The following ACSM3 variants were observed in gnomAD, a reference collection of about 807,000 sequenced individuals.
The protein encoded by ACSM3 is acyl-CoA synthetase medium chain family member 3.
A neutral mutation model predicts 74.1 loss-of-function variants in ACSM3; 61 were observed. The ratio of observed to expected loss-of-function variants is 0.82; its 90% confidence interval spans 0.67 to 1.02. ACSM3 has a LOEUF of 1.02. Ranked by LOEUF, ACSM3 falls within the 50% of genes least tolerant of loss-of-function variation. The pLI, the probability that ACSM3 is intolerant of heterozygous loss-of-function variation, is 0.00. For missense variants in ACSM3, 660 were observed against 697.0 expected (o/e 0.95, Z 0.60); for synonymous variants, 213 against 241.5 (o/e 0.88, Z 1.09).
chr16:20,752,068 G>A (rs1363571781), intron 2 of ACSM3, among the ~76,000 whole-genome samples: 1 of 152,070 alleles, frequency 6.6e-6, no homozygotes, highest in Admixed American at 6.6e-5. Flanking sequence ...TTGGCATACA[G>A]AAAACATTCA....
intron 1 of ACSM3, among the ~76,000 whole-genome samples, chr16:20,747,188 G>C (rs1411134774): frequency 1.3e-5 from 2 of 152,252 alleles, no homozygotes; most frequent in Admixed American, 1.3e-4. Context: ...CTCAAGGGAT[G>C]GGTTCCAGAG....
intron 1 of ACSM3, chr16:20,711,328 T>A: frequency 2.7e-6 from 1 of 367,122 alleles, no homozygotes; most frequent in Non-Finnish European, 5.2e-6. Flanking sequence ...ATCAGAGTCT[T>A]GTACAATATC....
At chr16:20,758,658 T>C (rs895574895) in intron 3 of ACSM3, among the ~76,000 whole-genome samples, 2 of 152,134 alleles carry the variant, frequency 1.3e-5, no homozygotes, top group Non-Finnish European at 2.9e-5. Flanking sequence ...TAGTTATTTC[T>C]TGCCTTCTGC....
chr16:20,713,856 C>A (rs2079752105), intron 1 of ACSM3, among the ~76,000 whole-genome samples: 1 of 152,192 alleles, frequency 6.6e-6, no homozygotes, highest in Admixed American at 6.5e-5. Context: ...GATTGTTTCT[C>A]TAAAAACTAG....
chr16:20,795,558 G>A (rs2080704665), intron 12 of ACSM3, among the ~76,000 whole-genome samples: 1 of 152,200 alleles, frequency 6.6e-6, no homozygotes, highest in Non-Finnish European at 1.5e-5. Context: ...ACGAATCCTT[G>A]AATTTAATAA....
At chr16:20,721,995 C>T (rs986953039) in intron 1 of ACSM3, 3 of 152,094 alleles carry the variant, frequency 2.0e-5, no homozygotes, top group African/African-American at 7.2e-5. Context: ...TATAATAGAT[C>T]AGGTAACAAA....
chr16:20,745,052 G>A (rs777055125), intron 1 of ACSM3, among the ~76,000 whole-genome samples: 9 of 152,156 alleles, frequency 5.9e-5, no homozygotes, highest in African/African-American at 9.7e-5. Flanking sequence ...GGCAGCTGCC[G>A]GGGCTGCGTC....
At chr16:20,677,842 T>C (rs964845565) in intron 1 of ACSM3, among the ~76,000 whole-genome samples, 1 of 152,010 alleles carries the variant, frequency 6.6e-6, no homozygotes, top group Non-Finnish European at 1.5e-5. Context: ...TCTGACACTT[T>C]CCATGTTCAT....
At chr16:20,701,389 T>C (rs1430365963) in intron 1 of ACSM3, among the ~76,000 whole-genome samples, 1 of 152,260 alleles carries the variant, frequency 6.6e-6, no homozygotes, top group Non-Finnish European at 1.5e-5. Context: ...TGGACTTGTA[T>C]ACTGTGGAAG....
rs71377684 is a variant in ACSM3, at chr16:20,774,239, C to CTT, written c.220-1580_220-1579dup. On this transcript the variant is annotated intron_variant, in intron 2 of 13. Transcript: ENST00000289416. The stretch of plus-strand genomic sequence containing the variant: ...TTTTCCATCTCTTCATTTTCTGTGT[C>CTT]TTTTTTTTTTTTTTTTTTTTTGAGA... Among the ~76,000 whole-genome samples, 782 of 113,978 alleles carry CTT rather than the reference C, an allele frequency of 6.9e-3. 19 individuals are homozygous for CTT. The highest frequency in any genetic ancestry group is 0.025 in the South Asian group (81 of 3,244). The allele number at this position is 113,978 out of a possible 152,430, so 74.8% of individuals were successfully genotyped here. A position where few individuals can be genotyped will look rare whatever the true frequency, so the allele number is the denominator to read the frequency against.
At chr16:20,707,761 A>C (rs2152370671) in intron 1 of ACSM3, among the ~76,000 whole-genome samples, 1 of 152,298 alleles carries the variant, frequency 6.6e-6, no homozygotes, top group South Asian at 2.1e-4. Flanking sequence ...ACCTGCCAAA[A>C]CCAGTTTCTA....
chr16:20,732,797 T>C (rs146243194), intron 1 of ACSM3: 31 of 153,186 alleles, frequency 2.0e-4, no homozygotes, highest in Non-Finnish European at 3.8e-4. Flanking sequence ...TAGGCTAAGA[T>C]AATCTAGACT....
chr16:20,778,667 C>T (rs904030859), intron 4 of ACSM3, among the ~76,000 whole-genome samples: 1 of 152,150 alleles, frequency 6.6e-6, no homozygotes, highest in African/African-American at 2.4e-5. Flanking sequence ...TATGTACTGC[C>T]TCTAGTAAGA....
chr16:20,791,882 C>T (rs1242693474), intron 10 of ACSM3, 120 bp from the exon 11 acceptor site: 14 of 1,170,828 alleles, frequency 1.2e-5, no homozygotes, highest in South Asian at 6.1e-5. Flanking sequence ...AAGCCAAGAT[C>T]GTACTACTGC....
chr16:20,744,541 C>T (rs768936908), intron 1 of ACSM3, among the ~76,000 whole-genome samples: 16 of 152,154 alleles, frequency 1.1e-4, no homozygotes, highest in African/African-American at 2.4e-4. Context: ...CATGCCACCA[C>T]GGCCAACTAA....
At chr16:20,691,864 G>A (rs1224355164) in intron 1 of ACSM3, among the ~76,000 whole-genome samples, 1 of 151,444 alleles carries the variant, frequency 6.6e-6, no homozygotes, top group African/African-American at 2.4e-5. Flanking sequence ...CACATTTTGT[G>A]TGCTGTTTGT....
intron 2 of ACSM3, among the ~76,000 whole-genome samples, chr16:20,750,542 C>T (rs1242029594): frequency 2.0e-5 from 3 of 152,138 alleles, no homozygotes; most frequent in East Asian, 1.9e-4. Flanking sequence ...TAGGGGAGAG[C>T]GGGGCCTCTG....
chr16:20,793,744 A>G lies in ACSM3; in HGVS notation c.1554+1409A>G, dbSNP rs375197660. ...AGGGCAGGGAAAACAGTCAGTGATTATTGGCTTGTCTCTTTGCTCTGAACA... is the reference window on the plus strand; with the variant it reads ...AGGGCAGGGAAAACAGTCAGTGATTGTTGGCTTGTCTCTTTGCTCTGAACA... On this transcript the variant is annotated intron_variant, in intron 12 of 13. Transcript: ENST00000289416. Among the ~76,000 whole-genome samples the G allele has an allele frequency of 9.1e-4, 139 of 152,298 alleles. 4 individuals are homozygous for G. In the South Asian group the frequency reaches 0.028, roughly 31 times the overall value.
At chr16:20,710,426 T>C (rs887144464) in intron 1 of ACSM3, among the ~76,000 whole-genome samples, 5 of 152,226 alleles carry the variant, frequency 3.3e-5, no homozygotes, top group Admixed American at 3.3e-4. Context: ...ATAGTATGCA[T>C]ACTATAAAAC....
Sources: gnomAD v4.1 joint callset for allele counts (sites outside exome capture counted in the v4.1 genomes callset) on GRCh38, gnomAD v4.1.1 for gene constraint, MANE v1.5 for transcripts, NCBI Gene and HGNC (gene_info 2026-07-23, HGNC 2026-07-21) for gene names.